MLLT3: variants seen among roughly 807,000 people sequenced by gnomAD.
The protein encoded by MLLT3 is MLLT3 super elongation complex subunit.
A neutral mutation model predicts 53.2 loss-of-function variants in MLLT3; 4 were observed. The ratio of observed to expected loss-of-function variants is 0.08; its 90% confidence interval spans 0.04 to 0.17. The LOEUF is 0.17. Among genes scored for constraint, MLLT3 ranks in the 10% least tolerant of loss-of-function variants. The pLI is 1.00. For missense variants in MLLT3, 569 were observed against 684.0 expected (o/e 0.83, Z 1.87); for synonymous variants, 283 against 230.6 (o/e 1.23, Z -2.06).
chr9:20,448,323 T>C lies in MLLT3; in HGVS notation c.277-57A>G. ...AGAGAGTGAGGCATAAGTGAAATTT[T>C]AAAAGCAAAAATTTACTCCTCATAA... On this transcript the variant is annotated intron_variant, in intron 3 of 10. Transcript: ENST00000380338. This position sits in a 1 kb window ranked among gnomAD's most constrained non-coding sequence, Gnocchi z 4.0. 1 of 1,561,490 alleles carries C rather than the reference T, an allele frequency of 6.4e-7. No homozygotes were observed. The highest frequency in any genetic ancestry group is 1.4e-5 in the African/African-American group (1 of 72,978).
Position 20,593,629 on chromosome 9 carries a change from A to G in MLLT3, c.193+27025T>C, listed in dbSNP as rs779372544. On this transcript the variant is annotated intron_variant, in intron 2 of 10. Coordinates refer to ENST00000380338, the MANE Select transcript of MLLT3 (RefSeq NM_004529.4). ...ATTCTAGTCTCATTCGTTGTTTCTC[A>G]GTTTTTTTCCTGCAATTTAAACTAA... Among the ~76,000 whole-genome samples the G allele has an allele frequency of 2.6e-5, 4 of 152,290 alleles. No individual in the cohort carries two copies. In the South Asian group the frequency reaches 6.2e-4, roughly 24 times the overall value.
chr9:20,492,589 C>T (rs1824976469), intron 2 of MLLT3, among the ~76,000 whole-genome samples: 1 of 151,724 alleles, frequency 6.6e-6, no homozygotes, highest in African/African-American at 2.4e-5. Context: ...AATTAAATTT[C>T]CCACATATAT....
intron 5 of MLLT3, chr9:20,411,179 CTAGCAGTCCA>C (rs1199578146): frequency 1.3e-5 from 2 of 152,668 alleles, no homozygotes; most frequent in East Asian, 1.9e-4. Flanking sequence ...ACGGAGAGCA[CTAGCAGTCCA>C]TAGCAGTCCA....
At chr9:20,605,065 A>C (rs1820526961) in intron 2 of MLLT3, among the ~76,000 whole-genome samples, 1 of 152,162 alleles carries the variant, frequency 6.6e-6, no homozygotes, top group Admixed American at 6.6e-5. Flanking sequence ...GCAAATGGTT[A>C]GTCATTGCTG....
At position 20,529,722 on chromosome 9, in the gene MLLT3, TC is replaced by T. The variant is rs1458631253; in HGVS notation, c.194-72937del. 2.3e-3 allele frequency among the ~76,000 whole-genome samples: 320 copies of T among 138,402 alleles called. 2 individuals are homozygous for T. Among genetic ancestry groups the T allele is most frequent in the African/African-American group, 7.8e-3 (297 of 37,906 alleles). The allele number at this position is 138,402 out of a possible 152,430, so 90.8% of individuals were successfully genotyped here. A position where few individuals can be genotyped will look rare whatever the true frequency, so the allele number is the denominator to read the frequency against. On this transcript the variant is annotated intron_variant, in intron 2 of 10. Coordinates refer to ENST00000380338, the MANE Select transcript of MLLT3 (RefSeq NM_004529.4). The stretch of plus-strand genomic sequence containing the variant: ...AGACTAGAAAAGATGATTAATCCAA[TC>T]CTTTTTTTTTTTTTTTTTTTTTTTT...
At chr9:20,536,615 T>C (rs1225449522) in intron 2 of MLLT3, among the ~76,000 whole-genome samples, 2 of 152,022 alleles carry the variant, frequency 1.3e-5, no homozygotes, top group East Asian at 1.9e-4. Context: ...AAAGGGAAAA[T>C]AGTAACATAG....
chr9:20,485,231 C>T lies in MLLT3; in HGVS notation c.194-28445G>A, dbSNP rs544798591. Among the ~76,000 whole-genome samples, 8 of 152,250 alleles carry T rather than the reference C, an allele frequency of 5.3e-5. No homozygotes were observed. In the South Asian group the frequency reaches 8.3e-4, roughly 16 times the overall value. On this transcript the variant is annotated intron_variant, in intron 2 of 10. Coordinates refer to ENST00000380338, the MANE Select transcript of MLLT3 (RefSeq NM_004529.4). ...CTTGAGCTCCTGACCTCAGGTGATC[C>T]GCCCGCCTTGGCCTCCCAAAGTACT...
chr9:20,566,054 TTA>T (rs1002583573), intron 2 of MLLT3, among the ~76,000 whole-genome samples: 9 of 106,052 alleles, frequency 8.5e-5, no homozygotes, highest in East Asian at 2.5e-4. Context: ...ATATATATAT[TTA>T]TATATATATT....
At chr9:20,612,208 C>T (rs573074660) in intron 2 of MLLT3, among the ~76,000 whole-genome samples, 217 of 152,252 alleles carry the variant, frequency 1.4e-3, no homozygotes, top group Non-Finnish European at 2.4e-3. Flanking sequence ...CTCATTGTGT[C>T]TACATGCAAG....
intron 2 of MLLT3, among the ~76,000 whole-genome samples, chr9:20,497,528 A>G (rs1340871508): frequency 6.6e-6 from 1 of 152,176 alleles, no homozygotes; most frequent in Non-Finnish European, 1.5e-5. Flanking sequence ...AATTTTGTAT[A>G]CATGGAATCA....
intron 2 of MLLT3, among the ~76,000 whole-genome samples, chr9:20,487,651 T>C (rs1041855497): frequency 2.6e-5 from 4 of 152,112 alleles, no homozygotes; most frequent in African/African-American, 9.7e-5. Context: ...GTATCCACAA[T>C]CCAAGTGGCA....
chr9:20,585,381 T>C (rs1819926213), intron 2 of MLLT3, among the ~76,000 whole-genome samples: 1 of 152,188 alleles, frequency 6.6e-6, no homozygotes, highest in Non-Finnish European at 1.5e-5. Context: ...AAAGGCTCTA[T>C]CTACAAATAC....
intron 3 of MLLT3, among the ~76,000 whole-genome samples, chr9:20,452,535 G>T (rs190299546): frequency 5.9e-5 from 9 of 152,066 alleles, no homozygotes; most frequent in African/African-American, 2.2e-4. Flanking sequence ...AATGTGAGAA[G>T]GGACTAATAT....
chr9:20,565,932 ATATATT>A (rs1413295889), intron 2 of MLLT3, among the ~76,000 whole-genome samples: 19 of 12,744 alleles, frequency 1.5e-3, no homozygotes, highest in African/African-American at 6.4e-3. Context: ...TTATATATAT[ATATATT>A]TATATATATA....
At chr9:20,592,646 C>G (rs1208840432) in intron 2 of MLLT3, among the ~76,000 whole-genome samples, 3 of 152,276 alleles carry the variant, frequency 2.0e-5, no homozygotes, top group Middle Eastern at 3.4e-3. Context: ...TAATTTGGCA[C>G]ATAACATTAT....
chr9:20,500,433 C>T (rs1458272607), intron 2 of MLLT3, among the ~76,000 whole-genome samples: 1 of 152,190 alleles, frequency 6.6e-6, no homozygotes, highest in Non-Finnish European at 1.5e-5. Context: ...TTGGCTGAAA[C>T]AGGCACAAAA....
chr9:20,591,962 C>A (rs1022896321), intron 2 of MLLT3, among the ~76,000 whole-genome samples: 2 of 151,872 alleles, frequency 1.3e-5, no homozygotes, highest in Non-Finnish European at 1.5e-5. Context: ...GAGTTCAAGT[C>A]CAGCCTAGGC....
chr9:20,489,006 G>C (rs1006576906), intron 2 of MLLT3, among the ~76,000 whole-genome samples: 11 of 152,240 alleles, frequency 7.2e-5, no homozygotes, highest in African/African-American at 2.4e-4. Flanking sequence ...TGTCTTCTTG[G>C]GGGGAAGATA....
At chr9:20,546,011 C>A (rs770946643) in intron 2 of MLLT3, among the ~76,000 whole-genome samples, 1 of 151,972 alleles carries the variant, frequency 6.6e-6, no homozygotes, top group Non-Finnish European at 1.5e-5. Context: ...ACAGCAAGAT[C>A]TCATCTCTAA....
Sources: gnomAD v4.1 joint callset for allele counts (sites outside exome capture counted in the v4.1 genomes callset) on GRCh38, gnomAD v4.1.1 for gene constraint, Gnocchi (gnomAD v3.1) non-coding constraint, MANE v1.5 for transcripts, NCBI Gene and HGNC (gene_info 2026-07-23, HGNC 2026-07-21) for gene names.